Variants in MTHFD1L observed in about 807,000 individuals in gnomAD.
MTHFD1L encodes the protein monofunctional C1-tetrahydrofolate synthase, mitochondrial.
MTHFD1L carries 81 observed loss-of-function variants against 119.5 expected under a neutral mutation model. The ratio of observed to expected loss-of-function variants is 0.68; its 90% confidence interval spans 0.57 to 0.82. The LOEUF is 0.82. MTHFD1L is among the 40% of genes least tolerant of loss of function. MTHFD1L has a pLI of 0.00. For missense variants in MTHFD1L, 1,125 were observed against 1,253.4 expected (o/e 0.90, Z 1.55); for synonymous variants, 430 against 475.2 (o/e 0.90, Z 1.24).
At chr6:150,915,451 G>A (rs1020019411) in intron 8 of MTHFD1L, among the ~76,000 whole-genome samples, 1 of 152,116 alleles carries the variant, frequency 6.6e-6, no homozygotes, top group Non-Finnish European at 1.5e-5. Context: ...TCTATGCTAT[G>A]CAAGTGACTG....
chr6:150,980,569 T>G (rs964325044), intron 20 of MTHFD1L, among the ~76,000 whole-genome samples: 1 of 152,102 alleles, frequency 6.6e-6, no homozygotes, highest in Non-Finnish European at 1.5e-5. Context: ...TCCTTTAGTT[T>G]TTTTGTTTTT....
At chr6:150,908,127 C>T (rs180693086) in intron 8 of MTHFD1L, among the ~76,000 whole-genome samples, 20 of 148,120 alleles carry the variant, frequency 1.4e-4, no homozygotes, top group Non-Finnish European at 2.4e-4. Flanking sequence ...AGGTTGGTTT[C>T]GAACTCCTGA....
intron 13 of MTHFD1L, 48 bp downstream of exon 13, chr6:150,938,793 T>C: frequency 6.4e-7 from 1 of 1,565,138 alleles, no homozygotes; most frequent in Non-Finnish European, 8.7e-7. Context: ...GTTTCCTTCC[T>C]GACATCTTGT....
chr6:150,970,500 A>G (rs1319439476), intron 19 of MTHFD1L, among the ~76,000 whole-genome samples: 1 of 152,184 alleles, frequency 6.6e-6, no homozygotes, highest in Non-Finnish European at 1.5e-5. Context: ...ATTTCCATTT[A>G]TGCATTTATT....
intron 1 of MTHFD1L, among the ~76,000 whole-genome samples, chr6:150,873,398 A>G (rs1779872891): frequency 6.6e-6 from 1 of 152,204 alleles, no homozygotes; most frequent in Non-Finnish European, 1.5e-5. Flanking sequence ...TGCTGTTAGT[A>G]AGAATGTTTT....
chr6:150,962,051 G>A (rs1288667000), intron 18 of MTHFD1L, among the ~76,000 whole-genome samples: 6 of 152,046 alleles, frequency 3.9e-5, no homozygotes, highest in African/African-American at 9.7e-5. Context: ...GTACAATGCC[G>A]TGATCTTGGC....
intron 11 of MTHFD1L, among the ~76,000 whole-genome samples, chr6:150,935,828 T>C (rs1441187232): frequency 6.6e-6 from 1 of 152,058 alleles, no homozygotes; most frequent in African/African-American, 2.4e-5. Context: ...AGTAAATTGA[T>C]CAGAACACAG....
At chr6:151,069,200 TTCATTCCAAAGTGACCA>T (rs1791659446) in intron 26 of MTHFD1L, among the ~76,000 whole-genome samples, 1 of 151,630 alleles carries the variant, frequency 6.6e-6, no homozygotes, top group Admixed American at 6.6e-5. Flanking sequence ...TAGCCACGGC[TTCATTCCAAAGTGACCA>T]CAGTCATAAG....
intron 7 of MTHFD1L, among the ~76,000 whole-genome samples, chr6:150,899,977 A>G (rs1784853347): frequency 6.7e-6 from 1 of 148,498 alleles, no homozygotes; most frequent in Non-Finnish European, 1.5e-5. Context: ...TCTCAAAAAA[A>G]AATAGATATA....
In MTHFD1L at chr6:150,983,766, TTTC is replaced by T. The variant is rs532115899; in HGVS notation, c.2125+11714_2125+11716del. On this transcript the variant is annotated intron_variant, in intron 20 of 27. Transcript: ENST00000367321. Reference sequence around the variant, plus strand: ...TTGAAAACAAAAGAAAGGGTTTAATTTTCTTCTTTTCGTTTTGTTTTGTTTTGT... The same window carrying T: ...TTGAAAACAAAAGAAAGGGTTTAATTTTCTTTTCGTTTTGTTTTGTTTTGT... 3.7e-4 allele frequency among the ~76,000 whole-genome samples: 57 copies of T among 152,236 alleles called. No individual in the cohort carries two copies. In the East Asian group the frequency reaches 8.5e-3, roughly 23 times the overall value.
In MTHFD1L at chr6:150,923,530, TTTATTTA is replaced by T. The variant is rs1252952584; in HGVS notation, c.1082+1231_1082+1237del. 2.1e-3 allele frequency among the ~76,000 whole-genome samples: 293 copies of T among 136,674 alleles called. 1 individual carries two copies. Among genetic ancestry groups the T allele is most frequent in the Middle Eastern group, 7.2e-3 (2 of 276 alleles). The allele number at this position is 136,674 out of a possible 152,430, so 89.7% of individuals were successfully genotyped here. A position where few individuals can be genotyped will look rare whatever the true frequency, so the allele number is the denominator to read the frequency against. On this transcript the variant is annotated intron_variant, in intron 10 of 27. Coordinates refer to ENST00000367321, the MANE Select transcript of MTHFD1L (RefSeq NM_015440.5). ...GACACTTTATTTATTTATTTATTTA[TTTATTTA>T]TTTTTTCTTTTTTTTTTTTTTTTTT...
At chr6:150,937,082 G>A (rs1351095067) in intron 12 of MTHFD1L, 142 bp downstream of exon 12, 15 of 1,050,620 alleles carry the variant, frequency 1.4e-5, no homozygotes, top group Non-Finnish European at 2.0e-5. Context: ...GTACATAGTG[G>A]TCGCCCCATG....
At chr6:151,004,715 C>T (rs1339699024) in intron 20 of MTHFD1L, among the ~76,000 whole-genome samples, 1 of 152,186 alleles carries the variant, frequency 6.6e-6, no homozygotes, top group Non-Finnish European at 1.5e-5. Flanking sequence ...CAGCTGATTA[C>T]GGGTTTAAGT....
At chr6:150,890,491 A>G (rs897306666) in intron 7 of MTHFD1L, among the ~76,000 whole-genome samples, 1 of 152,214 alleles carries the variant, frequency 6.6e-6, no homozygotes, top group Admixed American at 6.6e-5. Context: ...TTGAGAGGAC[A>G]GTATCCCTCC....
chr6:150,919,940 A>G (rs9371203), intron 9 of MTHFD1L, among the ~76,000 whole-genome samples: 13,859 of 152,202 alleles, frequency 0.091, 896 homozygotes, highest in African/African-American at 0.17. Flanking sequence ...CATCTGAGGC[A>G]TTAACTGGGG....
intron 1 of MTHFD1L, among the ~76,000 whole-genome samples, chr6:150,870,963 TATATATATAAA>T (rs1779336528): frequency 7.8e-6 from 1 of 128,504 alleles, no homozygotes; most frequent in Admixed American, 7.8e-5. Flanking sequence ...ATATATATAT[TATATATATAAA>T]ATATATATAA....
intron 7 of MTHFD1L, among the ~76,000 whole-genome samples, chr6:150,892,094 G>A (rs926593786): frequency 5.9e-5 from 9 of 152,182 alleles, no homozygotes; most frequent in African/African-American, 2.2e-4. Context: ...CCACATGGTG[G>A]CAGCCTATCC....
At chr6:150,945,627 G>C (rs1793805458) in intron 15 of MTHFD1L, 86 bp downstream of exon 15, 1 of 1,380,060 alleles carries the variant, frequency 7.2e-7, no homozygotes, top group African/African-American at 1.4e-5. Context: ...TTTTCAACTT[G>C]GTTTGATTTT....
chr6:151,063,607 A>C (rs1203961743), intron 26 of MTHFD1L, among the ~76,000 whole-genome samples: 1 of 152,210 alleles, frequency 6.6e-6, no homozygotes, highest in Admixed American at 6.5e-5. Context: ...TTCCCTGTTC[A>C]AAATTTTATG....
Sources: allele counts gnomAD v4.1 joint callset (sites outside exome capture counted in the v4.1 genomes callset), GRCh38; gene constraint gnomAD v4.1.1; transcripts MANE v1.5; gene names NCBI Gene and HGNC (gene_info 2026-07-23, HGNC 2026-07-21).